TMPRSS9: variants seen among roughly 807,000 people sequenced by gnomAD.
The protein encoded by TMPRSS9 is transmembrane serine protease 9, also known as transmembrane protease serine 9.
Under a neutral mutation model 111.4 loss-of-function variants are expected in TMPRSS9, and 113 were observed. The observed-to-expected ratio is 1.01, with a 90% CI of 0.87 to 1.19. The LOEUF (loss-of-function observed/expected upper bound fraction) is 1.19, where lower values mean the gene tolerates loss of function less well. Among genes scored for constraint, TMPRSS9 ranks in the 50% most tolerant of loss-of-function variants. The probability of loss-of-function intolerance (pLI) is 0.00; values close to 1 mark genes in which losing one functional copy is unlikely to be tolerated. For synonymous variants in TMPRSS9, 805 were observed against 659.1 expected, an observed-to-expected ratio of 1.22 and a Z score of -3.39; for missense variants, 1,803 against 1,513.1, an observed-to-expected ratio of 1.19 and a Z score of -3.18.
At chr19:2,398,799 T>G in exon 3 of TMPRSS9, 1 of 1,461,342 alleles carries the variant, frequency 6.8e-7, no homozygotes, top group East Asian at 2.9e-5. Context: ...TTGCAGTTTG[T>G]AAGTAGTTTT....
At chr19:2,420,086 C>T (rs1195524818) in intron 13 of TMPRSS9, among the ~76,000 whole-genome samples, 1 of 152,052 alleles carries the variant, frequency 6.6e-6, no homozygotes, top group East Asian at 1.9e-4. Flanking sequence ...TCTCTTGAGG[C>T]CAGGTGTCTA....
chr19:2,389,854 C>T lies in TMPRSS9; in HGVS notation c.69C>T (p.Ala23=), dbSNP rs147428178. 7.1e-5 allele frequency: 114 copies of T among 1,613,934 alleles called. No individual in the cohort carries two copies. In the East Asian group the frequency reaches 8.5e-4, roughly 12 times the overall value. The stretch of plus-strand genomic sequence containing the variant: ...CCAAGGAAGTCCCCGCTCTGGATGC[C>T]GCGTGCTGTCGAGCGGCCAGCATTG... The change falls in exon 1 of 18, where the codon GCC becomes GCT. Residue 23 remains alanine, a synonymous_variant. Coordinates refer to ENST00000648592, the Ensembl canonical transcript of TMPRSS9.
At chr19:2,405,234 CAGGG>C (rs1970944085) in intron 6 of TMPRSS9, 136 bp from the exon 8 acceptor site, 2 of 1,065,040 alleles carry the variant, frequency 1.9e-6, no homozygotes, top group East Asian at 5.8e-5. Context: ...CCAGAAGAGT[CAGGG>C]AAGCCAAGGA....
intron 1 of TMPRSS9, among the ~76,000 whole-genome samples, chr19:2,372,544 A>C (rs1970299294): frequency 6.6e-6 from 1 of 152,154 alleles, no homozygotes. Flanking sequence ...AAACTCTAGA[A>C]GATATTTTTA....
exon 15 of TMPRSS9, chr19:2,424,127 G>A: frequency 7.2e-7 from 1 of 1,392,900 alleles, no homozygotes; most frequent in Non-Finnish European, 9.4e-7. Flanking sequence ...CAGGATTGTG[G>A]GCGGCAGCGC....
rs549704533 is a variant in TMPRSS9, at chr19:2,414,134, CAT to C, written c.1573+117_1573+118del. 2.7e-4 allele frequency: 302 copies of C among 1,101,614 alleles called. 2 individuals carry two copies. Among genetic ancestry groups the C allele is most frequent in the African/African-American group, 1.6e-3 (103 of 62,994 alleles). The allele number at this position is 1,101,614 out of a possible 1,614,324, so 68.2% of individuals were successfully genotyped here. A position where few individuals can be genotyped will look rare whatever the true frequency, so the allele number is the denominator to read the frequency against. ...GATCTTCCTGTTCAAGGAAAGGTCA[CAT>C]GTGTATCCGTTTATTCCCATCTTAC... On this transcript the variant is annotated intron_variant, in intron 10 of 17. Transcript: ENST00000648592.
At chr19:2,362,113 G>C (rs966349181) in intron 1 of TMPRSS9, among the ~76,000 whole-genome samples, 1 of 152,112 alleles carries the variant, frequency 6.6e-6, no homozygotes, top group Middle Eastern at 3.4e-3. Context: ...GTGTGTGTGG[G>C]GTCATGAGTG....
At chr19:2,409,479 A>G (rs1004083907) in intron 8 of TMPRSS9, among the ~76,000 whole-genome samples, 2 of 152,022 alleles carry the variant, frequency 1.3e-5, no homozygotes, top group Non-Finnish European at 2.9e-5. Flanking sequence ...TGCACATCTA[A>G]ATAGTCACCT....
chr19:2,409,226 C>T (rs1043961041), intron 8 of TMPRSS9, among the ~76,000 whole-genome samples: 23 of 150,126 alleles, frequency 1.5e-4, no homozygotes, highest in African/African-American at 4.4e-4. Context: ...CTGCAGCCTC[C>T]GCCTCCGGGT....
At chr19:2,373,220 T>G (rs1273166769) in intron 1 of TMPRSS9, among the ~76,000 whole-genome samples, 1 of 152,088 alleles carries the variant, frequency 6.6e-6, no homozygotes, top group Admixed American at 6.6e-5. Flanking sequence ...TTGCTTTCTT[T>G]TTTTATTTTT....
exon 8 of TMPRSS9, chr19:2,408,551 C>T (rs775231224): frequency 3.0e-5 from 49 of 1,613,546 alleles, no homozygotes; most frequent in Non-Finnish European, 4.0e-5. Context: ...AGCCCGTGTG[C>T]CTCCCGGCTG....
At chr19:2,412,697 G>T (rs1971122326) in intron 9 of TMPRSS9, among the ~76,000 whole-genome samples, 1 of 152,088 alleles carries the variant, frequency 6.6e-6, no homozygotes, top group Non-Finnish European at 1.5e-5. Context: ...ATGGTTTCTG[G>T]TCCACAACCA....
chr19:2,403,818 C>A (rs893844228), intron 6 of TMPRSS9, among the ~76,000 whole-genome samples: 1 of 151,856 alleles, frequency 6.6e-6, no homozygotes, highest in African/African-American at 2.4e-5. Context: ...ACGGTGAAAC[C>A]CCCTCTCTAC....
At chr19:2,360,903 C>G (rs1035604133) in intron 1 of TMPRSS9, among the ~76,000 whole-genome samples, 1 of 150,586 alleles carries the variant, frequency 6.6e-6, no homozygotes, top group Non-Finnish European at 1.5e-5. Context: ...GGTGTGTGGA[C>G]GTAGCCGGGA....
At chr19:2,400,993 G>A (rs1178977421) in intron 4 of TMPRSS9, among the ~76,000 whole-genome samples, 1 of 140,478 alleles carries the variant, frequency 7.1e-6, no homozygotes, top group African/African-American at 2.8e-5. Context: ...AAAAAAAAAT[G>A]GCCGGGCGCG....
chr19:2,402,048 T>G, intron 5 of TMPRSS9, 32 bp downstream of exon 6: 1 of 1,604,158 alleles, frequency 6.2e-7, no homozygotes, highest in Non-Finnish European at 8.5e-7. Flanking sequence ...TTTCTCTGAT[T>G]GCAGTTACTG....
chr19:2,425,830 G>A (rs545325386), intron 17 of TMPRSS9, 97 bp from the exon 19 acceptor site: 1 of 1,446,484 alleles, frequency 6.9e-7, no homozygotes, highest in East Asian at 2.5e-5. Flanking sequence ...GGCTCCCAGG[G>A]GAAGTCACTA....
upstream of TMPRSS9, among the ~76,000 whole-genome samples, chr19:2,384,790 G>A (rs1970440089): frequency 6.7e-6 from 1 of 148,598 alleles, no homozygotes; most frequent in African/African-American, 2.5e-5. Flanking sequence ...ACTCCAGCCT[G>A]GGCGACAGAG....
intron 10 of TMPRSS9, 41 bp downstream of exon 11, chr19:2,414,059 T>C: frequency 6.8e-7 from 1 of 1,477,660 alleles, no homozygotes; most frequent in Non-Finnish European, 9.0e-7. Flanking sequence ...TGTACGTGCC[T>C]ATCTTGATTT....
Sources: gnomAD v4.1 joint callset for allele counts (sites outside exome capture counted in the v4.1 genomes callset) on GRCh38, gnomAD v4.1.1 for gene constraint, MANE v1.5 for transcripts, NCBI Gene and HGNC (gene_info 2026-07-23, HGNC 2026-07-21) for gene names.